JAZF1: variants seen among roughly 807,000 people sequenced by gnomAD.
JAZF1 encodes the protein juxtaposed with another zinc finger protein 1.
JAZF1 carries 8 observed loss-of-function variants against 26.4 expected under a neutral mutation model. The ratio of observed to expected loss-of-function variants is 0.30; its 90% confidence interval spans 0.18 to 0.55. The LOEUF is 0.55. Among genes scored for constraint, JAZF1 ranks in the 20% least tolerant of loss-of-function variants. The pLI is 0.94. For missense variants in JAZF1, 199 were observed against 322.0 expected (o/e 0.62, Z 2.92); for synonymous variants, 126 against 122.3 (o/e 1.03, Z -0.20).
chr7:28,172,675 C>T (rs1583598398), intron 1 of JAZF1, among the ~76,000 whole-genome samples: 9 of 152,174 alleles, frequency 5.9e-5, no homozygotes, highest in Non-Finnish European at 5.9e-5. Flanking sequence ...TGGCTCCACG[C>T]ACCATAAACC....
intron 3 of JAZF1, among the ~76,000 whole-genome samples, chr7:27,870,075 A>ATTTTTTTTTTT (rs371770357): frequency 4.3e-4 from 52 of 120,644 alleles, no homozygotes; most frequent in Non-Finnish European, 5.0e-4. Flanking sequence ...CACCCGGTTA[A>ATTTTTTTTTTT]TTTTTTTTTT....
chr7:28,028,866 A>T (rs945364452), intron 1 of JAZF1, among the ~76,000 whole-genome samples: 2 of 152,184 alleles, frequency 1.3e-5, no homozygotes, highest in South Asian at 2.1e-4. Flanking sequence ...AGAAAACTTG[A>T]TATTATACAG....
Position 27,949,745 on chromosome 7 carries a change from G to A in JAZF1, c.188+42164C>T, listed in dbSNP as rs189232934. ...GCCATTGCACTCTACCCCAGGCAAC[G>A]GAGCAAGACTAGCAAGACTCTGTCT... is the stretch of plus-strand genomic sequence containing the variant. On this transcript the variant is annotated intron_variant, in intron 2 of 4. Transcript: ENST00000283928. 5.3e-5 allele frequency among the ~76,000 whole-genome samples: 8 copies of A among 152,216 alleles called. No individual in the cohort carries two copies. In the East Asian group the frequency reaches 5.8e-4, roughly 11 times the overall value.
intron 1 of JAZF1, among the ~76,000 whole-genome samples, chr7:28,131,928 A>G (rs998844851): frequency 2.2e-4 from 33 of 152,220 alleles, no homozygotes; most frequent in African/African-American, 7.7e-4. Context: ...CAAATCTTCA[A>G]ATTTATTGTA....
intron 2 of JAZF1, among the ~76,000 whole-genome samples, chr7:27,970,572 C>T (rs569820940): frequency 3.3e-5 from 5 of 152,190 alleles, no homozygotes; most frequent in South Asian, 2.1e-4. Flanking sequence ...ACAGTATCTA[C>T]GCATGACTTT....
intron 1 of JAZF1, among the ~76,000 whole-genome samples, chr7:28,056,467 CACACACACAA>C (rs1783711587): frequency 7.0e-6 from 1 of 143,884 alleles, no homozygotes; most frequent in Non-Finnish European, 1.5e-5. Flanking sequence ...CACACACACA[CACACACACAA>C]TAAGAAAGAA....
intron 3 of JAZF1, among the ~76,000 whole-genome samples, chr7:27,887,602 G>T (rs1201729044): frequency 6.6e-6 from 1 of 152,068 alleles, no homozygotes; most frequent in Non-Finnish European, 1.5e-5. Flanking sequence ...TTTTAGTAGA[G>T]ATGGGGTTTT....
At chr7:28,057,083 C>T (rs576446610) in intron 1 of JAZF1, among the ~76,000 whole-genome samples, 31 of 152,274 alleles carry the variant, frequency 2.0e-4, no homozygotes, top group African/African-American at 7.5e-4. Flanking sequence ...TCCTAGCTAT[C>T]CATCATGCTG....
In JAZF1 at chr7:27,840,962, G is replaced by C; in HGVS notation, c.386-95C>G. ...CAGGACAGGAGATGTGGCCGTGGCA[G>C]AGCAGCGCTGACGGCCCAGGGAGAG... On this transcript the variant is annotated intron_variant, in intron 3 of 4. Transcript: ENST00000283928. This position sits in a 1 kb window ranked among gnomAD's most constrained non-coding sequence, Gnocchi z 5.1. 7.4e-7 allele frequency: 1 copy of C among 1,353,418 alleles called. No individual in the cohort carries two copies. The highest frequency in any genetic ancestry group is 1.0e-6 in the Non-Finnish European group (1 of 977,088). The allele number at this position is 1,353,418 out of a possible 1,614,324, so 83.8% of individuals were successfully genotyped here. A position where few individuals can be genotyped will look rare whatever the true frequency, so the allele number is the denominator to read the frequency against.
At chr7:27,989,778 G>T (rs1267567998) in intron 2 of JAZF1, among the ~76,000 whole-genome samples, 1 of 152,152 alleles carries the variant, frequency 6.6e-6, no homozygotes, top group Non-Finnish European at 1.5e-5. Flanking sequence ...AAAAAGTCAG[G>T]AAACAACAGG....
chr7:28,141,625 C>G (rs12113122), intron 1 of JAZF1, among the ~76,000 whole-genome samples: 5,921 of 152,142 alleles, frequency 0.039, 344 homozygotes, highest in African/African-American at 0.13. Flanking sequence ...AAAAAGAAAT[C>G]CTGGTTTTTA....
intron 1 of JAZF1, among the ~76,000 whole-genome samples, chr7:28,167,822 AT>A (rs1427159462): frequency 6.6e-6 from 1 of 152,240 alleles, no homozygotes; most frequent in African/African-American, 2.4e-5. Flanking sequence ...ATGTTAAAAA[AT>A]AGTTAACTGC....
intron 1 of JAZF1, among the ~76,000 whole-genome samples, chr7:27,997,538 C>T (rs1786041694): frequency 6.6e-6 from 1 of 152,110 alleles, no homozygotes; most frequent in African/African-American, 2.4e-5. Context: ...TGCTTCCATC[C>T]AGAGCCTCCT....
chr7:27,991,845 G>T, intron 2 of JAZF1, 64 bp downstream of exon 2: 1 of 879,086 alleles, frequency 1.1e-6, no homozygotes, highest in Non-Finnish European at 1.8e-6. Context: ...TAAAAAAGAT[G>T]TGTTTAAAAA....
At chr7:27,876,554 T>A (rs1783683914) in intron 3 of JAZF1, among the ~76,000 whole-genome samples, 1 of 152,202 alleles carries the variant, frequency 6.6e-6, no homozygotes, top group Non-Finnish European at 1.5e-5. Context: ...GAATTCTGAA[T>A]CCTTTTAATC....
At chr7:28,062,970 T>C (rs1388059719) in intron 1 of JAZF1, among the ~76,000 whole-genome samples, 1 of 152,202 alleles carries the variant, frequency 6.6e-6, no homozygotes, top group Non-Finnish European at 1.5e-5. Flanking sequence ...TTCATGTATA[T>C]GTCAGCTGAA....
intron 2 of JAZF1, among the ~76,000 whole-genome samples, chr7:27,905,209 T>C (rs746187391): frequency 3.3e-5 from 5 of 152,176 alleles, no homozygotes; most frequent in Non-Finnish European, 7.3e-5. Context: ...AGCAGTCTCG[T>C]TGCCTTGGCC....
intron 2 of JAZF1, among the ~76,000 whole-genome samples, chr7:27,933,486 T>G (rs1366522050): frequency 6.6e-6 from 1 of 152,240 alleles, no homozygotes; most frequent in East Asian, 1.9e-4. Context: ...CACATAAATA[T>G]TACTATGTTT....
At chr7:27,959,550 C>T (rs2128356819) in intron 2 of JAZF1, among the ~76,000 whole-genome samples, 1 of 152,298 alleles carries the variant, frequency 6.6e-6, no homozygotes, top group Non-Finnish European at 1.5e-5. Context: ...GTACCTGGCA[C>T]CCACGAGTAT....
Sources: allele counts gnomAD v4.1 joint callset (sites outside exome capture counted in the v4.1 genomes callset), GRCh38; gene constraint gnomAD v4.1.1; non-coding constraint Gnocchi (gnomAD v3.1); transcripts MANE v1.5; gene names NCBI Gene and HGNC (gene_info 2026-07-23, HGNC 2026-07-21).